ITSN2: variants seen among roughly 807,000 people sequenced by gnomAD.
ITSN2 encodes intersectin-2.
ITSN2 carries 156 observed loss-of-function variants against 243.7 expected under a neutral mutation model. The ratio of observed to expected loss-of-function variants is 0.64; its 90% CI spans 0.56 to 0.73. ITSN2 has a LOEUF of 0.73. Among genes scored for constraint, ITSN2 ranks in the 30% least tolerant of loss-of-function variants. The pLI, the probability that ITSN2 is intolerant of heterozygous loss-of-function variation, is 0.00. For synonymous variants in ITSN2, 703 were observed against 699.9 expected, an observed-to-expected ratio of 1.00 and a Z score of -0.07; for missense variants, 1,801 against 1,996.1, an observed-to-expected ratio of 0.90 and a Z score of 1.86.
rs769229593 is a variant in ITSN2, at chr2:24,303,796, T to C, written c.857+3A>G. 7.6e-6 allele frequency: 12 copies of C among 1,579,236 alleles called. No individual in the cohort carries two copies. The highest frequency in any genetic ancestry group is 1.0e-5 in the Non-Finnish European group (12 of 1,148,372). ...ATCAAATGTAATTAAGGGACAAACT[T>C]ACCAAATAGTAGCCAGCTGAGTTTG... On this transcript the variant is annotated splice_donor_region_variant and intron_variant, in intron 9 of 39. Coordinates refer to ENST00000355123, the MANE Select transcript of ITSN2 (RefSeq NM_006277.3).
chr2:24,223,104 GAA>G (rs1375715196), intron 29 of ITSN2, among the ~76,000 whole-genome samples: 1 of 152,200 alleles, frequency 6.6e-6, no homozygotes, highest in Non-Finnish European at 1.5e-5. Context: ...AGAAAACTGG[GAA>G]AGAGACGAAT....
At chr2:24,308,080 G>A (rs1682781494) in intron 8 of ITSN2, among the ~76,000 whole-genome samples, 1 of 152,174 alleles carries the variant, frequency 6.6e-6, no homozygotes, top group Admixed American at 6.5e-5. Flanking sequence ...CTCTGTTTAT[G>A]TCTCCTTTGC....
intron 20 of ITSN2, among the ~76,000 whole-genome samples, chr2:24,268,281 C>G (rs1676912658): frequency 6.6e-6 from 1 of 152,186 alleles, no homozygotes; most frequent in Admixed American, 6.5e-5. Flanking sequence ...ACCTTGCCTC[C>G]TATCTTACCG....
chr2:24,331,212 C>T (rs183530856), intron 1 of ITSN2, among the ~76,000 whole-genome samples: 8 of 151,960 alleles, frequency 5.3e-5, no homozygotes, highest in African/African-American at 1.9e-4. Context: ...GCTGGGATTA[C>T]AGTTGCGCAT....
chr2:24,337,501 C>T (rs1686581856), intron 1 of ITSN2, among the ~76,000 whole-genome samples: 1 of 149,634 alleles, frequency 6.7e-6, no homozygotes, highest in African/African-American at 2.5e-5. Context: ...CAGGCGCGCA[C>T]CACCATGCCC....
At chr2:24,360,902 A>C (rs2551154), upstream of ITSN2, among the ~76,000 whole-genome samples, 149,004 of 152,346 alleles carry the variant, frequency 0.98, 72,865 homozygotes, top group East Asian at 0.99. Flanking sequence ...TGTTGCACCC[A>C]CCACGGGGTT....
intron 12 of ITSN2, among the ~76,000 whole-genome samples, chr2:24,299,026 CTT>C (rs1181200021): frequency 1.3e-4 from 16 of 124,278 alleles, no homozygotes; most frequent in Admixed American, 1.6e-4. Context: ...TTCACGAGAT[CTT>C]TTTTTTTTTT....
intron 2 of ITSN2, 40 bp downstream of exon 2, chr2:24,328,012 A>G: frequency 2.0e-6 from 3 of 1,515,404 alleles, no homozygotes; most frequent in Non-Finnish European, 1.8e-6. Context: ...AAAAAAAAAA[A>G]TCCATAACCT....
At chr2:24,319,492 AC>A (rs1684302592) in intron 2 of ITSN2, among the ~76,000 whole-genome samples, 1 of 152,062 alleles carries the variant, frequency 6.6e-6, no homozygotes, top group African/African-American at 2.4e-5. Flanking sequence ...ATCAGGAATG[AC>A]CCCAGAAAAT....
chr2:24,226,361 T>C (rs1043992791), intron 29 of ITSN2, among the ~76,000 whole-genome samples: 2 of 152,218 alleles, frequency 1.3e-5, no homozygotes, highest in Non-Finnish European at 2.9e-5. Context: ...GACTGAATGT[T>C]ACAGGGTGGA....
intron 29 of ITSN2, among the ~76,000 whole-genome samples, chr2:24,223,852 AAGAAAG>A (rs1328742982): frequency 6.7e-5 from 1 of 14,986 alleles, no homozygotes; most frequent in Non-Finnish European, 1.2e-4. Flanking sequence ...AAGAAAAAGA[AAGAAAG>A]AAAGGAAAGA....
intron 2 of ITSN2, among the ~76,000 whole-genome samples, chr2:24,320,315 C>T (rs868225051): frequency 6.6e-6 from 1 of 150,764 alleles, no homozygotes; most frequent in Non-Finnish European, 1.5e-5. Flanking sequence ...GTCAGGAGAT[C>T]GAGACCATCC....
chr2:24,259,706 T>C (rs1221008447), intron 22 of ITSN2, among the ~76,000 whole-genome samples: 6 of 152,198 alleles, frequency 3.9e-5, no homozygotes, highest in Non-Finnish European at 8.8e-5. Flanking sequence ...CTTTCCTTCT[T>C]TGTTGGGTGA....
At chr2:24,336,725 A>G (rs1188362188) in intron 1 of ITSN2, among the ~76,000 whole-genome samples, 1 of 152,180 alleles carries the variant, frequency 6.6e-6, no homozygotes, top group Admixed American at 6.5e-5. Context: ...ACTTGTTTAC[A>G]CCACAATAAC....
intron 2 of ITSN2, chr2:24,321,890 A>G (rs1256482056): frequency 1.9e-4 from 29 of 152,184 alleles, no homozygotes; most frequent in Admixed American, 1.9e-3. Context: ...CCTATAAATT[A>G]AAGTACTATT....
intron 3 of ITSN2, among the ~76,000 whole-genome samples, chr2:24,314,267 C>T (rs1169809144): frequency 2.0e-5 from 3 of 152,178 alleles, no homozygotes; most frequent in Admixed American, 6.5e-5. Context: ...TTGGGTCTTC[C>T]ACCCGTAATG....
rs137871956 is a variant in ITSN2 at position 24,307,094 on chromosome 2, G to A, written c.793+1523C>T. ...GCTGGGATTACAGGCGTGAGCCACC[G>A]CACCTGGCCAAAATTAACTTTTTAA... is the stretch of plus-strand genomic sequence containing the variant. On this transcript the variant is annotated intron_variant, in intron 8 of 39. Coordinates refer to ENST00000355123, the MANE Select transcript of ITSN2 (RefSeq NM_006277.3). Among the ~76,000 whole-genome samples, 466 of 152,186 alleles carry A rather than the reference G, an allele frequency of 3.1e-3. 2 individuals are homozygous for A. The highest frequency in any genetic ancestry group is 0.02 in the Middle Eastern group (6 of 294).
At chr2:24,230,667 C>T (rs1357282219) in intron 29 of ITSN2, among the ~76,000 whole-genome samples, 1 of 152,010 alleles carries the variant, frequency 6.6e-6, no homozygotes, top group Non-Finnish European at 1.5e-5. Context: ...ACTTGGGAGG[C>T]CGAGGCTGGA....
chr2:24,246,943 A>C (rs1371064634), intron 27 of ITSN2, 50 bp from the exon 28 acceptor site: 2 of 1,200,478 alleles, frequency 1.7e-6, no homozygotes, highest in Non-Finnish European at 2.4e-6. Flanking sequence ...ATTAAAAACA[A>C]TCATTGAGAC....
Sources: gnomAD v4.1 joint callset for allele counts (sites outside exome capture counted in the v4.1 genomes callset) on GRCh38, gnomAD v4.1.1 for gene constraint, MANE v1.5 for transcripts, NCBI Gene and HGNC (gene_info 2026-07-23, HGNC 2026-07-21) for gene names.